CYFIP2: variants seen among roughly 807,000 people sequenced by gnomAD.
The protein encoded by CYFIP2 is cytoplasmic FMR1 interacting protein 2.
A neutral mutation model predicts 158.7 loss-of-function variants in CYFIP2; 29 were observed. The observed-to-expected ratio is 0.18, with a 90% CI of 0.14 to 0.25. The LOEUF is 0.25. Ranked by LOEUF, CYFIP2 falls within the 10% of genes least tolerant of loss-of-function variation. CYFIP2 has a pLI of 1.00. For missense variants in CYFIP2, 852 were observed against 1,639.5 expected (o/e 0.52, Z 8.29); for synonymous variants, 585 against 617.6 (o/e 0.95, Z 0.78).
intron 30 of CYFIP2, among the ~76,000 whole-genome samples, chr5:157,391,734 C>T (rs1767308917): frequency 6.6e-6 from 1 of 152,212 alleles, no homozygotes; most frequent in Non-Finnish European, 1.5e-5. Context: ...TACCATGAAA[C>T]ATGGGTGTAC....
At chr5:157,306,886 G>A (rs522446) in intron 8 of CYFIP2, among the ~76,000 whole-genome samples, 118,007 of 148,942 alleles carry the variant, frequency 0.79, 47,010 homozygotes, top group East Asian at 0.99. Flanking sequence ...ACAGAGTGAG[G>A]CCATCTTAAA....
At chr5:157,302,944 G>C in intron 7 of CYFIP2, 54 bp downstream of exon 7, 1 of 1,434,510 alleles carries the variant, frequency 7.0e-7, no homozygotes, top group Admixed American at 2.2e-5. Context: ...TTATAGGCAG[G>C]CGTGTAGAGG....
chr5:157,374,819 T>G (rs956180040), intron 26 of CYFIP2, among the ~76,000 whole-genome samples: 2 of 152,260 alleles, frequency 1.3e-5, no homozygotes, highest in Non-Finnish European at 2.9e-5. Context: ...ATTTCCTGTC[T>G]GTAAATTTGC....
At chr5:157,343,829 A>C (rs1193521582) in intron 23 of CYFIP2, among the ~76,000 whole-genome samples, 2 of 152,138 alleles carry the variant, frequency 1.3e-5, no homozygotes, top group African/African-American at 2.4e-5. Flanking sequence ...CAGATAACAA[A>C]GGGGATTTTC....
chr5:157,326,910 C>G (rs549457511), intron 18 of CYFIP2, among the ~76,000 whole-genome samples: 2 of 152,168 alleles, frequency 1.3e-5, no homozygotes, highest in Non-Finnish European at 2.9e-5. Context: ...GATCTGAAAG[C>G]TTTTTGAATC....
At chr5:157,320,572 A>C in intron 14 of CYFIP2, 83 bp from the exon 15 acceptor site, 1 of 1,561,236 alleles carries the variant, frequency 6.4e-7, no homozygotes, top group Non-Finnish European at 8.7e-7. Flanking sequence ...TTCCTGGGAC[A>C]CCACGGGCCC....
chr5:157,334,214 C>A (rs550426123), intron 21 of CYFIP2, among the ~76,000 whole-genome samples: 2 of 152,282 alleles, frequency 1.3e-5, no homozygotes, highest in African/African-American at 4.8e-5. Flanking sequence ...GAGGTTCCTA[C>A]AGTAGGCAAA....
At position 157,298,984 on chromosome 5, in the gene CYFIP2, G is replaced by T. The variant is rs149573849; in HGVS notation, c.388-1731G>T. ...TCCATTCATCAGTTGATGGACATTG[G>T]TTTATTTCCACTTTGGGGCTATTAT... On this transcript the variant is annotated intron_variant, in intron 5 of 30. Coordinates refer to ENST00000620254, the MANE Select transcript of CYFIP2 (RefSeq NM_001037333.3). 4.2e-4 allele frequency among the ~76,000 whole-genome samples: 64 copies of T among 152,176 alleles called. 1 individual carries two copies. Among genetic ancestry groups the T allele is most frequent in the African/African-American group, 1.4e-3 (59 of 41,528 alleles).
chr5:157,376,215 GA>G (rs1765462815), intron 26 of CYFIP2: 1 of 152,264 alleles, frequency 6.6e-6, no homozygotes, highest in South Asian at 2.1e-4. Context: ...TCTCTGCAAG[GA>G]ACTTGGTGGT....
At chr5:157,333,578 G>C in intron 21 of CYFIP2, 132 bp downstream of exon 21, 1 of 1,307,822 alleles carries the variant, frequency 7.6e-7, no homozygotes, top group Non-Finnish European at 1.1e-6. Flanking sequence ...TCTGAATGGA[G>C]CTGGGAAAGA....
chr5:157,313,550 G>A (rs1048232118), intron 11 of CYFIP2, among the ~76,000 whole-genome samples: 2 of 152,206 alleles, frequency 1.3e-5, no homozygotes, highest in Non-Finnish European at 2.9e-5. Flanking sequence ...GAAACAAGAA[G>A]GCAGAGTCAC....
In CYFIP2 at chr5:157,311,673, C is replaced by T. The variant is rs1239196521; in HGVS notation, c.1002C>T (p.Cys334=). ...ATAATTTTCTACCCAGGTGGACGTG[C>T]ACCCAGAGCAGCATCAGCCCCCAGT... The part of the protein sequence containing the change: ...HYEENKSKWT[C]TQSSISPQYN... The change falls in exon 11 of 31, where the codon TGC becomes TGT. Residue 334 remains cysteine, a synonymous_variant. Transcript: ENST00000620254. This position sits in a 1 kb window ranked among gnomAD's most constrained non-coding sequence, Gnocchi z 4.7. 1.2e-6 allele frequency: 2 copies of T among 1,607,254 alleles called. No homozygotes were observed. The highest frequency in any genetic ancestry group is 1.7e-6 in the Non-Finnish European group (2 of 1,177,044).
chr5:157,367,824 G>T (rs938346355), intron 26 of CYFIP2, among the ~76,000 whole-genome samples: 1 of 144,416 alleles, frequency 6.9e-6, no homozygotes, highest in African/African-American at 2.6e-5. Context: ...GCATGATCTC[G>T]GCTCACTGTA....
intron 23 of CYFIP2, among the ~76,000 whole-genome samples, chr5:157,347,753 C>A (rs554183135): frequency 2.1e-4 from 32 of 152,324 alleles, no homozygotes; most frequent in African/African-American, 7.5e-4. Context: ...AAATTTTCCA[C>A]TGTGGAATTA....
rs1767012528 is a variant in CYFIP2, at chr5:157,389,232, G to A, written c.3251G>A (p.Arg1084Gln). Residue 1084 changes from arginine to glutamine, a missense_variant, in exon 29 of 31, where the codon CGG becomes CAG. Physicochemically the swap from Arg to Gln is conservative, Grantham distance 43. This residue lies in a region of CYFIP2 where 223 missense variants were observed against 381.6 expected (regional missense o/e 0.58). Transcript: ENST00000620254. ...GAGGGTGACCTCCTGACCAAGGAGCGGCTGTGCTGTGGCCTGTCCATGTTC... is the reference window on the plus strand; with the variant it reads ...GAGGGTGACCTCCTGACCAAGGAGCAGCTGTGCTGTGGCCTGTCCATGTTC... ...AREGDLLTKE[R>Q]LCCGLSMFEV... 1 of 1,613,864 alleles carries A rather than the reference G, an allele frequency of 6.2e-7. No individual in the cohort carries two copies. The highest frequency in any genetic ancestry group is 8.5e-7 in the Non-Finnish European group (1 of 1,179,760).
At chr5:157,306,703 G>T (rs1223671064) in intron 8 of CYFIP2, among the ~76,000 whole-genome samples, 1 of 152,082 alleles carries the variant, frequency 6.6e-6, no homozygotes, top group Non-Finnish European at 1.5e-5. Context: ...CAACACAGTG[G>T]AACACCATCT....
At chr5:157,352,888 G>A (rs778271714) in intron 23 of CYFIP2, among the ~76,000 whole-genome samples, 9 of 152,194 alleles carry the variant, frequency 5.9e-5, no homozygotes, top group Non-Finnish European at 8.8e-5. Flanking sequence ...GCTTACACAT[G>A]TAAGAGGAGA....
chr5:157,378,968 A>G (rs1765771076), intron 26 of CYFIP2, among the ~76,000 whole-genome samples: 2 of 152,282 alleles, frequency 1.3e-5, no homozygotes, highest in South Asian at 4.2e-4. Flanking sequence ...ATCAAATACT[A>G]CAGATGAGCT....
intron 25 of CYFIP2, 82 bp downstream of exon 25, chr5:157,360,454 C>CT (rs2113360343): frequency 8.3e-7 from 1 of 1,199,626 alleles, no homozygotes; most frequent in African/African-American, 1.5e-5. Context: ...GTTTGCTTCT[C>CT]TAACATGCCA....
Sources: allele counts gnomAD v4.1 joint callset (sites outside exome capture counted in the v4.1 genomes callset), GRCh38; gene constraint gnomAD v4.1.1; regional missense constraint gnomAD v4.1.1; non-coding constraint Gnocchi (gnomAD v3.1); transcripts MANE v1.5; gene names NCBI Gene and HGNC (gene_info 2026-07-23, HGNC 2026-07-21).